Variants in LPIN2 observed in about 807,000 individuals in gnomAD.
LPIN2 encodes the protein phosphatidate phosphatase LPIN2.
LPIN2 carries 55 observed loss-of-function variants against 111.4 expected under a neutral mutation model. The observed-to-expected ratio is 0.49, with a 90% CI of 0.40 to 0.62. The LOEUF is 0.62. LPIN2 is among the 20% of genes least tolerant of loss of function. The probability of loss-of-function intolerance (pLI) is 0.00; values close to 1 mark genes in which losing one functional copy is unlikely to be tolerated. For missense variants in LPIN2, 992 were observed against 1,112.1 expected (o/e 0.89, Z 1.54); for synonymous variants, 425 against 414.0 (o/e 1.03, Z -0.32).
At chr18:2,924,300 G>A (rs2077099219) in intron 15 of LPIN2, 98 bp downstream of exon 15, 1 of 1,492,274 alleles carries the variant, frequency 6.7e-7, no homozygotes, top group African/African-American at 1.4e-5. Flanking sequence ...TTGGCTGAGG[G>A]CTTCGAGCCC....
intron 2 of LPIN2, among the ~76,000 whole-genome samples, chr18:2,955,733 T>C (rs927079225): frequency 2.6e-5 from 4 of 152,044 alleles, no homozygotes; most frequent in African/African-American, 9.6e-5. Context: ...CTGACCAACA[T>C]GGTGAAACCC....
intron 4 of LPIN2, among the ~76,000 whole-genome samples, chr18:2,943,737 T>G (rs1447906640): frequency 2.0e-5 from 3 of 152,228 alleles, no homozygotes; most frequent in African/African-American, 7.2e-5. Context: ...CAGATGTTTA[T>G]GTACTCCATG....
In LPIN2 at chr18:2,925,504, C is replaced by A; in HGVS notation, c.1794-136G>T. 1 of 1,160,946 alleles carries A rather than the reference C, an allele frequency of 8.6e-7. No homozygotes were observed. The highest frequency in any genetic ancestry group is 1.3e-6 in the Non-Finnish European group (1 of 796,012). The allele number at this position is 1,160,946 out of a possible 1,614,324, so 71.9% of individuals were successfully genotyped here. A position where few individuals can be genotyped will look rare whatever the true frequency, so the allele number is the denominator to read the frequency against. On this transcript the variant is annotated intron_variant, in intron 13 of 19. Transcript: ENST00000677752. The surrounding 1 kb of genome is among the most constrained non-coding windows in gnomAD (Gnocchi z 4.1). ...GTAGAGTTATCCCTTCTGCCATTCT[C>A]CCATATCCACAGCTCTGTACGCCTG...
intron 4 of LPIN2, among the ~76,000 whole-genome samples, chr18:2,943,062 C>A (rs1271549583): frequency 6.6e-6 from 1 of 152,174 alleles, no homozygotes; most frequent in Non-Finnish European, 1.5e-5. Flanking sequence ...TCAAATTCCG[C>A]ATCATTTTCT....
intron 9 of LPIN2, among the ~76,000 whole-genome samples, chr18:2,929,767 A>G (rs1568523592): frequency 2.0e-5 from 3 of 152,118 alleles, no homozygotes; most frequent in East Asian, 1.9e-4. Context: ...TAAGGCGGGT[A>G]TGGTGGTGCC....
chr18:2,952,650 C>T (rs942773288), intron 3 of LPIN2, among the ~76,000 whole-genome samples: 16 of 151,816 alleles, frequency 1.1e-4, no homozygotes, highest in African/African-American at 3.9e-4. Flanking sequence ...TTCTGAATGT[C>T]CAAAAGAAAC....
intron 4 of LPIN2, 70 bp downstream of exon 4, chr18:2,950,985 A>T: frequency 6.4e-7 from 1 of 1,554,644 alleles, no homozygotes; most frequent in Non-Finnish European, 8.9e-7. Context: ...CCATAAAAAA[A>T]CTGGCAGCTC....
intron 16 of LPIN2, among the ~76,000 whole-genome samples, chr18:2,923,420 CAAAAAAAAAAAA>C (rs869052239): frequency 2.3e-4 from 6 of 26,596 alleles, no homozygotes; most frequent in East Asian, 9.1e-4. Flanking sequence ...AACTCCATCT[CAAAAAAAAAAAA>C]AAAAAAAAAA....
chr18:3,010,505 T>C (rs762571538), intron 1 of LPIN2, among the ~76,000 whole-genome samples: 1 of 152,020 alleles, frequency 6.6e-6, no homozygotes, highest in Admixed American at 6.6e-5. Context: ...GTGAAGGGTA[T>C]TGGAGAGAGA....
intron 1 of LPIN2, among the ~76,000 whole-genome samples, chr18:2,961,686 T>TC (rs577365584): frequency 2.3e-4 from 34 of 151,094 alleles, no homozygotes; most frequent in African/African-American, 5.8e-4. Context: ...AAAAACCAAA[T>TC]CCCCCCCTTC....
Position 2,927,706 on chromosome 18 carries a change from C to A in LPIN2, c.1710+16G>T. On this transcript the variant is annotated intron_variant, in intron 12 of 19. Transcript: ENST00000677752. ...TTCTTTCAGCCCACGGAAACAATGA[C>A]CTCTAGGTCTGTTACCTGTTTGGTC... 6.2e-7 allele frequency: 1 copy of A among 1,612,908 alleles called. No homozygotes were observed. Among genetic ancestry groups the A allele is most frequent in the Non-Finnish European group, 8.5e-7 (1 of 1,178,862 alleles).
At chr18:2,931,669 T>TAA (rs2077215695) in intron 8 of LPIN2, among the ~76,000 whole-genome samples, 1 of 152,240 alleles carries the variant, frequency 6.6e-6, no homozygotes, top group African/African-American at 2.4e-5. Context: ...GTGAATATAG[T>TAA]AAATACGTCA....
intron 19 of LPIN2, 67 bp from the exon 20 acceptor site, chr18:2,920,504 G>A: frequency 2.6e-6 from 4 of 1,560,936 alleles, no homozygotes; most frequent in Non-Finnish European, 2.6e-6. Context: ...ACAAGATGGG[G>A]GGCTGTGAAG....
intron 1 of LPIN2, among the ~76,000 whole-genome samples, chr18:2,992,073 C>G (rs1178757250): frequency 2.6e-5 from 4 of 151,726 alleles, no homozygotes; most frequent in Non-Finnish European, 5.9e-5. Context: ...CCAGCAATTT[C>G]ACTCCCAGGT....
chr18:2,925,716 CA>C lies in LPIN2; in HGVS notation c.1794-349del, dbSNP rs1257001560. The stretch of plus-strand genomic sequence containing the variant: ...AACATAATCGCTTACAATGATTTAA[CA>C]AACTCCGGCTGGGTGCGGTGCCTCA... On this transcript the variant is annotated intron_variant, in intron 13 of 19. Transcript: ENST00000677752. This position sits in a 1 kb window ranked among gnomAD's most constrained non-coding sequence, Gnocchi z 4.1. Among the ~76,000 whole-genome samples the C allele has an allele frequency of 6.6e-6, 1 of 152,242 alleles. No homozygotes were observed. The highest frequency in any genetic ancestry group is 1.5e-5 in the Non-Finnish European group (1 of 68,044).
chr18:2,985,477 G>A (rs1248580858), intron 1 of LPIN2: 1 of 145,900 alleles, frequency 6.9e-6, no homozygotes, highest in African/African-American at 2.5e-5. Context: ...GAATTTGGAA[G>A]TCTTTTTCCC....
At chr18:2,977,861 G>A (rs974677179) in intron 1 of LPIN2, among the ~76,000 whole-genome samples, 4 of 152,056 alleles carry the variant, frequency 2.6e-5, no homozygotes, top group African/African-American at 9.7e-5. Flanking sequence ...ATTTATGGAA[G>A]GCAAGATCCA....
At chr18:2,988,319 T>C (rs2078216877) in intron 1 of LPIN2, among the ~76,000 whole-genome samples, 1 of 152,220 alleles carries the variant, frequency 6.6e-6, no homozygotes, top group African/African-American at 2.4e-5. Context: ...TATACTTTGC[T>C]ATGAGAATAA....
intron 1 of LPIN2, among the ~76,000 whole-genome samples, chr18:3,000,368 T>C (rs1291337336): frequency 1.3e-5 from 2 of 152,162 alleles, no homozygotes; most frequent in African/African-American, 4.8e-5. Context: ...GTCAGAAACA[T>C]GATTTTCCAA....
Sources: gnomAD v4.1 joint callset for allele counts (sites outside exome capture counted in the v4.1 genomes callset) on GRCh38, gnomAD v4.1.1 for gene constraint, Gnocchi (gnomAD v3.1) non-coding constraint, MANE v1.5 for transcripts, NCBI Gene and HGNC (gene_info 2026-07-23, HGNC 2026-07-21) for gene names.